Variants in EXOC7 observed in about 807,000 individuals in gnomAD.
The protein encoded by EXOC7 is exocyst complex component Exo70.
Under a neutral mutation model 87.6 loss-of-function variants are expected in EXOC7, and 51 were observed. The observed-to-expected ratio is 0.58, with a 90% CI of 0.46 to 0.73. EXOC7 has a LOEUF of 0.73. EXOC7 is among the 30% of genes least tolerant of loss of function. The pLI, the probability that EXOC7 is intolerant of heterozygous loss-of-function variation, is 0.00. For missense variants in EXOC7, 744 were observed against 888.4 expected (o/e 0.84, Z 2.07); for synonymous variants, 327 against 357.1 (o/e 0.92, Z 0.95).
intron 3 of EXOC7, 75 bp from the exon 4 acceptor site, chr17:76,101,451 A>G: frequency 6.4e-7 from 1 of 1,563,904 alleles, no homozygotes; most frequent in Non-Finnish European, 8.6e-7. Flanking sequence ...ATTTGGGAAA[A>G]AGAAAATTAA....
At position 76,081,439 on chromosome 17, in the gene EXOC7, T is replaced by C; in HGVS notation, c.*2209A>G. ...CGGGAGGAGGCCGACAGAGGGCTGC[T>C]GGAGGCGGGTGGGAGTGAGGATGCA... On this transcript the variant is annotated 3_prime_UTR_variant, in exon 19 of 19. Transcript: ENST00000589210. 6.2e-7 allele frequency: 1 copy of C among 1,612,940 alleles called. No individual in the cohort carries two copies. Among genetic ancestry groups the C allele is most frequent in the African/African-American group, 1.3e-5 (1 of 75,058 alleles).
intron 5 of EXOC7, among the ~76,000 whole-genome samples, chr17:76,095,544 A>T (rs1182727642): frequency 6.6e-6 from 1 of 152,222 alleles, no homozygotes; most frequent in Non-Finnish European, 1.5e-5. Flanking sequence ...AAGCAAAAAG[A>T]CAACAAATGT....
chr17:76,088,492 G>A lies in EXOC7; in HGVS notation c.1271C>T (p.Ala424Val), dbSNP rs1187687896. ...ITSMETIGAK[A>V]LEDFADNIKN... ...GATGTTGTCTGCGAAGTCCTCCAGC[G>A]CTTTGGCACCGATGGTCTCCATGGA... The change falls in exon 10 of 19, where the codon GCG becomes GTG. Residue 424 changes from alanine (A) to valine (V), a missense_variant. By Grantham distance (64) the Ala-to-Val change is moderately conservative. Transcript: ENST00000589210. 2.5e-6 allele frequency: 4 copies of A among 1,614,046 alleles called. No individual in the cohort carries two copies. Among genetic ancestry groups the A allele is most frequent in the East Asian group, 2.2e-5 (1 of 44,864 alleles).
intron 7 of EXOC7, 192 bp from the exon 8 acceptor site, chr17:76,089,512 G>A: frequency 1.6e-6 from 1 of 644,004 alleles, no homozygotes; most frequent in Non-Finnish European, 2.7e-6. Context: ...AAAAGGAGCT[G>A]AGCCCAGCCT....
chr17:76,087,355 G>A, intron 12 of EXOC7: 1 of 475,678 alleles, frequency 2.1e-6, no homozygotes, highest in Non-Finnish European at 3.8e-6. Context: ...TTTGGGAGGG[G>A]GGCAGGGGCA....
chr17:76,094,847 G>A (rs1003676195), intron 5 of EXOC7, among the ~76,000 whole-genome samples: 17 of 151,578 alleles, frequency 1.1e-4, no homozygotes, highest in Non-Finnish European at 5.9e-5. Flanking sequence ...CTGGGCTCAA[G>A]TAATCTGACC....
intron 11 of EXOC7, 120 bp downstream of exon 11, chr17:76,087,940 C>A: frequency 1.7e-6 from 2 of 1,204,870 alleles, no homozygotes; most frequent in East Asian, 4.7e-5. Flanking sequence ...GGACTGCTCA[C>A]AAAGGTGCGA....
chr17:76,089,229 C>T lies in EXOC7; in HGVS notation c.993G>A (p.Leu331=). Residue 331 remains leucine (L), a synonymous_variant, in exon 8 of 19, where the codon CTG becomes CTA. Coordinates refer to ENST00000589210, the MANE Select transcript of EXOC7 (RefSeq NM_001013839.4). ...VKLAQSEYQL[L]ADIIPEHHQK... is the part of the protein sequence containing the mutation. ...GGTGGTGCTCGGGGATGATGTCGGC[C>T]AGCAGCTGGTACTCGCTCTGCGCCA... 6.2e-6 allele frequency: 10 copies of T among 1,614,098 alleles called. No homozygotes were observed. The highest frequency in any genetic ancestry group is 7.6e-6 in the Non-Finnish European group (9 of 1,180,004).
In EXOC7 at chr17:76,099,261, T is replaced by C. The variant is rs531832387; in HGVS notation, c.418-1243A>G. ...TGGCTTACGCCTGTAATCCCAGCAC[T>C]TTGGGAGGCCGAGGCAAGCAGATCA... On this transcript the variant is annotated intron_variant, in intron 4 of 18. Transcript: ENST00000589210. 2.0e-5 allele frequency among the ~76,000 whole-genome samples: 3 copies of C among 152,294 alleles called. No homozygotes were observed. The East Asian group carries it at 5.8e-4, about 29-fold the overall frequency.
intron 4 of EXOC7, among the ~76,000 whole-genome samples, chr17:76,100,378 A>C (rs2067998725): frequency 6.6e-6 from 1 of 152,082 alleles, no homozygotes; most frequent in African/African-American, 2.4e-5. Context: ...CTGTAATCCC[A>C]GCACCTTGGG....
intron 5 of EXOC7, among the ~76,000 whole-genome samples, chr17:76,097,085 C>T (rs1214718415): frequency 2.0e-5 from 3 of 152,090 alleles, no homozygotes; most frequent in Admixed American, 1.3e-4. Context: ...TGAGCTGAAG[C>T]GATCCACTCA....
In EXOC7 at chr17:76,081,566, C is replaced by G; in HGVS notation, c.*2082G>C. 1 of 1,613,780 alleles carries G rather than the reference C, an allele frequency of 6.2e-7. No homozygotes were observed. The highest frequency in any genetic ancestry group is 1.1e-5 in the South Asian group (1 of 91,092). ...CCAGCTGAGGCTGAAGAACACGGCG[C>G]TCAAGTCCATCATCGCTCTCTTGGT... On this transcript the variant is annotated 3_prime_UTR_variant, in exon 19 of 19. Coordinates refer to ENST00000589210, the MANE Select transcript of EXOC7 (RefSeq NM_001013839.4).
Position 76,082,595 on chromosome 17 carries a change from G to T in EXOC7, c.*1053C>A. 1 of 1,613,592 alleles carries T rather than the reference G, an allele frequency of 6.2e-7. No homozygotes were observed. The highest frequency in any genetic ancestry group is 8.5e-7 in the Non-Finnish European group (1 of 1,179,914). The stretch of plus-strand genomic sequence containing the variant: ...GCAGGAATCTGGATGTGGGCAGCGT[G>T]CAAGTCTGACGCAGCCCCTGGAGAG... On this transcript the variant is annotated 3_prime_UTR_variant, in exon 19 of 19. Transcript: ENST00000589210.
chr17:76,083,105 C>G lies in EXOC7; in HGVS notation c.*543G>C, dbSNP rs2067053729. 6.0e-6 allele frequency: 1 copy of G among 166,508 alleles called. No homozygotes were observed. Among genetic ancestry groups the G allele is most frequent in the South Asian group, 1.7e-4 (1 of 5,798 alleles). 10.3% of individuals were successfully genotyped at this position (166,508 alleles called of 1,614,324 possible). ...GGGAAAATGGCCAGTGAGCCTGCCT[C>G]CCCCAGCCACCTAGGGGACTCCTGG... On this transcript the variant is annotated 3_prime_UTR_variant, in exon 19 of 19. Transcript: ENST00000589210.
chr17:76,093,393 C>T (rs1010044048), intron 6 of EXOC7: 1 of 152,754 alleles, frequency 6.5e-6, no homozygotes, highest in African/African-American at 2.4e-5. Flanking sequence ...TTTCTCCAAA[C>T]CCTAAACAAA....
chr17:76,085,147 G>A, intron 15 of EXOC7, 167 bp downstream of exon 15: 1 of 633,644 alleles, frequency 1.6e-6, no homozygotes, highest in Non-Finnish European at 2.8e-6. Context: ...GGTAGAGGAG[G>A]GGGCTTCTCT....
At chr17:76,086,911 T>C (rs1243023067) in intron 12 of EXOC7, 2 of 1,550,416 alleles carry the variant, frequency 1.3e-6, no homozygotes, top group Non-Finnish European at 1.7e-6. Context: ...TGAAAGGCAG[T>C]GCACACAGAG....
chr17:76,087,580 A>C, intron 12 of EXOC7, 74 bp downstream of exon 12: 1 of 1,427,870 alleles, frequency 7.0e-7, no homozygotes, highest in Non-Finnish European at 9.6e-7. Context: ...CCTCACTGCT[A>C]CCTGCCCTCT....
In EXOC7 at chr17:76,082,315, T is replaced by C. The variant is rs2067016219; in HGVS notation, c.*1333A>G. The C allele has an allele frequency of 4.6e-6, 4 of 869,052 alleles. No homozygotes were observed. The highest frequency in any genetic ancestry group is 1.7e-5 in the African/African-American group (1 of 58,836). The allele number at this position is 869,052 out of a possible 1,614,324, so 53.8% of individuals were successfully genotyped here. On this transcript the variant is annotated 3_prime_UTR_variant, in exon 19 of 19. Transcript: ENST00000589210. ...AAGAGGGTGTTTCTTCAACTGAAGATGGCCTGAAATGGGCCAGACCCAAAT... is the reference window on the plus strand; with the variant it reads ...AAGAGGGTGTTTCTTCAACTGAAGACGGCCTGAAATGGGCCAGACCCAAAT...
Sources: allele counts gnomAD v4.1 joint callset (sites outside exome capture counted in the v4.1 genomes callset), GRCh38; gene constraint gnomAD v4.1.1; transcripts MANE v1.5; gene names NCBI Gene and HGNC (gene_info 2026-07-23, HGNC 2026-07-21).